Variants in TRAM1 observed in about 807,000 individuals in gnomAD.
TRAM1 encodes the protein translocating chain-associated membrane protein 1.
Under a neutral mutation model 48.7 loss-of-function variants are expected in TRAM1, and 17 were observed. The ratio of observed to expected loss-of-function variants is 0.35; its 90% CI spans 0.24 to 0.52. TRAM1 has a LOEUF of 0.52. TRAM1 is among the 20% of genes least tolerant of loss of function. TRAM1 has a pLI of 0.94. For synonymous variants in TRAM1, 182 were observed against 154.0 expected (o/e 1.18, Z -1.34); for missense variants, 351 against 441.5 (o/e 0.79, Z 1.84).
At chr8:70,586,567 T>C (rs977935343) in intron 8 of TRAM1, among the ~76,000 whole-genome samples, 4 of 152,182 alleles carry the variant, frequency 2.6e-5, no homozygotes, top group African/African-American at 9.7e-5. Flanking sequence ...TAATTATCTA[T>C]TGTTTCACTT....
At position 70,583,675 on chromosome 8, in the gene TRAM1, C is replaced by T. The variant is rs1817134678; in HGVS notation, c.865G>A (p.Gly289Arg). 6.2e-7 allele frequency: 1 copy of T among 1,612,132 alleles called. No homozygotes were observed. The highest frequency in any genetic ancestry group is 8.5e-7 in the Non-Finnish European group (1 of 1,179,446). Residue 289 changes from glycine (G) to arginine (R), a missense_variant, in exon 9 of 11, where the codon GGA (glycine) becomes AGA (arginine). Transcript: ENST00000262213. ...CTAACAGCTAACACATTGAAGTTTC[C>T]AGTACTGAAATCCAGCTTCTGATTT... The part of the protein sequence containing the change: ...AENQKLDFST[G>R]NFNVLAVRIA...
In TRAM1 at chr8:70,596,330, G is replaced by A. The variant is rs1264000803; in HGVS notation, c.427-9C>T. 2 of 1,588,222 alleles carry A rather than the reference G, an allele frequency of 1.3e-6. No individual in the cohort carries two copies. The highest frequency in any genetic ancestry group is 1.7e-6 in the Non-Finnish European group (2 of 1,168,808). ...TCTGAGATGTAGTTTTCCTAAGAAA[G>A]AAGATATAAAAATTAACCTGTGAGC... On this transcript the variant is annotated splice_polypyrimidine_tract_variant and intron_variant, in intron 4 of 10. Coordinates refer to ENST00000262213, the MANE Select transcript of TRAM1 (RefSeq NM_014294.6).
chr8:70,597,744 G>T, intron 4 of TRAM1, 151 bp downstream of exon 4: 8 of 345,924 alleles, frequency 2.3e-5, no homozygotes, highest in Non-Finnish European at 3.6e-5. Context: ...AAGCCTTTCT[G>T]AAACAGTAAA....
Position 70,583,676 on chromosome 8 carries a change from A to G in TRAM1, c.864T>C (p.Thr288=), listed in dbSNP as rs1451579412. The change falls in exon 9 of 11, where the codon ACT becomes ACC. Residue 288 remains threonine (T), a synonymous_variant. Coordinates refer to ENST00000262213, the MANE Select transcript of TRAM1 (RefSeq NM_014294.6). ...TAACAGCTAACACATTGAAGTTTCC[A>G]GTACTGAAATCCAGCTTCTGATTTT... ...RAENQKLDFS[T]GNFNVLAVRI... is the part of the protein sequence containing the mutation. 5 of 1,613,302 alleles carry G rather than the reference A, an allele frequency of 3.1e-6. No homozygotes were observed. Among genetic ancestry groups the G allele is most frequent in the East Asian group, 2.2e-5 (1 of 44,832 alleles).
Position 70,574,626 on chromosome 8 carries a change from A to G in TRAM1, c.*306T>C, listed in dbSNP as rs1816905272. ...AAGAAATTGTATCACTGATATGTGG[A>G]ATTTTTGTAAATAGTTTTCTCTCCA... On this transcript the variant is annotated 3_prime_UTR_variant, in exon 11 of 11. Coordinates refer to ENST00000262213, the MANE Select transcript of TRAM1 (RefSeq NM_014294.6). The G allele has an allele frequency of 3.8e-5, 9 of 236,402 alleles. No individual in the cohort carries two copies. The highest frequency in any genetic ancestry group is 2.3e-4 in the Admixed American group (4 of 17,290). 14.6% of individuals were successfully genotyped at this position (236,402 alleles called of 1,614,324 possible).
intron 2 of TRAM1, 51 bp downstream of exon 2, chr8:70,599,968 G>T: frequency 6.8e-7 from 1 of 1,480,086 alleles, no homozygotes; most frequent in Non-Finnish European, 9.4e-7. Context: ...TTCCAAGTTT[G>T]TTCAACTGAA....
chr8:70,608,326 T>G lies in TRAM1; in HGVS notation c.-127A>C. On this transcript the variant is annotated 5_prime_UTR_variant, in exon 1 of 11. Coordinates refer to ENST00000262213, the MANE Select transcript of TRAM1 (RefSeq NM_014294.6). ...CCCGCTGCAGCCGCTCGCTGGGGCT[T>G]CACTTCCCATCCCACAGCCAGTACG... 1 of 1,264,786 alleles carries G rather than the reference T, an allele frequency of 7.9e-7. No individual in the cohort carries two copies. The highest frequency in any genetic ancestry group is 1.6e-5 in the South Asian group (1 of 63,036). 78.3% of individuals were successfully genotyped at this position (1,264,786 alleles called of 1,614,324 possible).
intron 10 of TRAM1, among the ~76,000 whole-genome samples, chr8:70,580,347 C>A (rs975499347): frequency 1.3e-5 from 2 of 152,068 alleles, no homozygotes; most frequent in Non-Finnish European, 2.9e-5. Context: ...TAAAAAGGAT[C>A]ATACACCATA....
chr8:70,583,133 A>T (rs748580578), intron 10 of TRAM1, 31 bp downstream of exon 10: 6 of 1,584,158 alleles, frequency 3.8e-6, no homozygotes, highest in South Asian at 1.2e-5. Flanking sequence ...TTCTACTTCC[A>T]TGAGTTTTTC....
chr8:70,588,610 A>G (rs1202549141), intron 6 of TRAM1, among the ~76,000 whole-genome samples: 1 of 152,206 alleles, frequency 6.6e-6, no homozygotes, highest in Admixed American at 6.5e-5. Flanking sequence ...AAAGAAAAAG[A>G]AAATGCTAGA....
chr8:70,608,396 G>T lies in TRAM1; in HGVS notation c.-197C>A. On this transcript the variant is annotated 5_prime_UTR_variant, in exon 1 of 11. Transcript: ENST00000262213. ...GGGAAAAAAAAAAACACAACAGCTAGCCCGCAGCGGGGGCGAGCATGCGCA... is the reference window on the plus strand; with the variant it reads ...GGGAAAAAAAAAAACACAACAGCTATCCCGCAGCGGGGGCGAGCATGCGCA... 2.2e-6 allele frequency: 1 copy of T among 445,764 alleles called. No homozygotes were observed. The highest frequency in any genetic ancestry group is 3.6e-6 in the Non-Finnish European group (1 of 274,086). The allele number at this position is 445,764 out of a possible 1,614,324, so 27.6% of individuals were successfully genotyped here.
In TRAM1 at chr8:70,608,271, C is replaced by G; in HGVS notation, c.-72G>C. On this transcript the variant is annotated 5_prime_UTR_variant, in exon 1 of 11. Coordinates refer to ENST00000262213, the MANE Select transcript of TRAM1 (RefSeq NM_014294.6). ...TCTTCCCAGCTGCTCACCGACTCGCCGCCGCCTCCCGCTGGCTGCTCCTCA... is the reference window on the plus strand; with the variant it reads ...TCTTCCCAGCTGCTCACCGACTCGCGGCCGCCTCCCGCTGGCTGCTCCTCA... 6.8e-7 allele frequency: 1 copy of G among 1,476,044 alleles called. No individual in the cohort carries two copies. Among genetic ancestry groups the G allele is most frequent in the Non-Finnish European group, 9.0e-7 (1 of 1,115,968 alleles). 91.4% of individuals were successfully genotyped at this position (1,476,044 alleles called of 1,614,324 possible).
chr8:70,575,624 C>T (rs1197729559), intron 10 of TRAM1, among the ~76,000 whole-genome samples: 2 of 151,958 alleles, frequency 1.3e-5, no homozygotes, highest in South Asian at 2.1e-4. Flanking sequence ...GATGGAGTAG[C>T]GTATGTGTGA....
chr8:70,607,712 G>A (rs1329580849), intron 1 of TRAM1: 1 of 163,960 alleles, frequency 6.1e-6, no homozygotes, highest in East Asian at 1.9e-4. Flanking sequence ...GGCAGCGCAG[G>A]GGCCGCCCCC....
At chr8:70,607,843 C>A (rs1229363193) in intron 1 of TRAM1, 4 of 380,274 alleles carry the variant, frequency 1.1e-5, no homozygotes, top group African/African-American at 4.2e-5. Flanking sequence ...GTCCCCACCC[C>A]CTGCGGGCCG....
chr8:70,601,389 A>G (rs888798539), intron 1 of TRAM1, among the ~76,000 whole-genome samples: 1 of 152,148 alleles, frequency 6.6e-6, no homozygotes, highest in African/African-American at 2.4e-5. Flanking sequence ...ACACCTTTTC[A>G]AGGAAGTCTC....
chr8:70,594,650 A>T, intron 5 of TRAM1, 60 bp from the exon 6 acceptor site: 1 of 1,341,938 alleles, frequency 7.5e-7, no homozygotes, highest in Non-Finnish European at 1.0e-6. Context: ...AAAAAAAAGT[A>T]AACAAATACT....
At chr8:70,590,807 C>A (rs1222959604) in intron 6 of TRAM1, among the ~76,000 whole-genome samples, 2 of 152,160 alleles carry the variant, frequency 1.3e-5, no homozygotes, top group Admixed American at 6.5e-5. Flanking sequence ...TATCAAGAAA[C>A]CTTTTTCTAA....
At chr8:70,589,952 A>G (rs181816655) in intron 6 of TRAM1, among the ~76,000 whole-genome samples, 39 of 152,342 alleles carry the variant, frequency 2.6e-4, no homozygotes, top group African/African-American at 8.7e-4. Context: ...ATGGTAAAGC[A>G]GGAAGGTGGC....
Sources: allele counts gnomAD v4.1 joint callset (sites outside exome capture counted in the v4.1 genomes callset), GRCh38; gene constraint gnomAD v4.1.1; transcripts MANE v1.5; gene names NCBI Gene and HGNC (gene_info 2026-07-23, HGNC 2026-07-21).